Variants in PWWP2A observed in about 807,000 individuals in gnomAD.
PWWP2A encodes PWWP domain-containing protein 2A.
Under a neutral mutation model 48.5 loss-of-function variants are expected in PWWP2A, and 18 were observed. That is an observed-to-expected ratio of 0.37 (90% CI 0.26 to 0.55). The LOEUF (loss-of-function observed/expected upper bound fraction) is 0.55. Among genes scored for constraint, PWWP2A ranks in the 20% least tolerant of loss-of-function variants. The pLI is 0.81. For missense variants in PWWP2A, 867 were observed against 976.4 expected, an observed-to-expected ratio of 0.89 and a Z score of 1.49; for synonymous variants, 396 against 387.7, an observed-to-expected ratio of 1.02 and a Z score of -0.25.
intron 4 of PWWP2A, chr5:160,065,452 C>T (rs569362453): frequency 4.1e-5 from 19 of 460,252 alleles, no homozygotes; most frequent in Admixed American, 2.6e-4. Context: ...GACGGGTTCC[C>T]GCCTGCTGTC....
chr5:160,090,745 A>C (rs1754995425), downstream of PWWP2A: 5 of 960,648 alleles, frequency 5.2e-6, no homozygotes, highest in Non-Finnish European at 6.2e-6. Flanking sequence ...ATCCACAAAA[A>C]ACTGCTAAAT....
chr5:160,053,459 G>A, the PWWP2A span, among the ~76,000 whole-genome samples: 1 of 152,100 alleles, frequency 6.6e-6, no homozygotes, highest in African/African-American at 2.4e-5. Flanking sequence ...AGCTACTTAG[G>A]AGGCTGCTGT....
At position 160,119,343 on chromosome 5, in the gene PWWP2A, C is replaced by CG; in HGVS notation, c.45dup (p.Gly16ArgfsTer19). 1 of 1,390,082 alleles carries CG rather than the reference C, an allele frequency of 7.2e-7. No individual in the cohort carries two copies. 86.1% of individuals were successfully genotyped at this position (1,390,082 alleles called of 1,614,324 possible). On this transcript the variant is annotated frameshift_variant, in exon 1 of 2. Transcript: ENST00000307063. LOFTEE classifies it high-confidence loss of function. ...TCGGCCTCGCCGGCGCCCCCCTCCC[C>CG]GGGGGACGCTGCAGTCGCTGCCGCC...
At chr5:160,060,811 G>C (rs939328792), downstream of PWWP2A, among the ~76,000 whole-genome samples, 6 of 152,200 alleles carry the variant, frequency 3.9e-5, no homozygotes, top group African/African-American at 1.4e-4. Flanking sequence ...CCAAAAACTT[G>C]TTGATTCTAC....
chr5:160,056,966 A>G (rs1757562343), downstream of PWWP2A, among the ~76,000 whole-genome samples: 1 of 152,062 alleles, frequency 6.6e-6, no homozygotes, highest in Admixed American at 6.6e-5. Flanking sequence ...ATGTAGGTAC[A>G]GAAACCCAGT....
chr5:160,103,492 A>C (rs567453313), intron 1 of PWWP2A, among the ~76,000 whole-genome samples: 1 of 152,286 alleles, frequency 6.6e-6, no homozygotes, highest in African/African-American at 2.4e-5. Flanking sequence ...ACACAGCTTC[A>C]GTAGGTGAGA....
At chr5:160,070,852 TC>T (rs1753723787) in intron 2 of PWWP2A, among the ~76,000 whole-genome samples, 1 of 152,184 alleles carries the variant, frequency 6.6e-6, no homozygotes, top group African/African-American at 2.4e-5. Flanking sequence ...GAGTTGCAGT[TC>T]CTACGACGTT....
At chr5:160,090,912 A>T (rs1755005892), downstream of PWWP2A, 1 of 984,728 alleles carries the variant, frequency 1.0e-6, no homozygotes, top group Non-Finnish European at 1.2e-6. Context: ...AAGAAATCAA[A>T]TCTTAGGGAC....
At chr5:160,048,126 C>CCTTTTTT in the PWWP2A span, among the ~76,000 whole-genome samples, 1 of 35,538 alleles carries the variant, frequency 2.8e-5, no homozygotes, top group African/African-American at 1.2e-4. Flanking sequence ...CAAGACATTG[C>CCTTTTTT]TTTTTTTTTT....
At chr5:160,098,241 CAT>C (rs1275040720) in intron 1 of PWWP2A, among the ~76,000 whole-genome samples, 1 of 152,000 alleles carries the variant, frequency 6.6e-6, no homozygotes, top group Non-Finnish European at 1.5e-5. Flanking sequence ...CTTTTAGTAA[CAT>C]AGGGAAGAAG....
intron 4 of PWWP2A, among the ~76,000 whole-genome samples, chr5:160,066,295 C>CTCTTT (rs748083955): frequency 6.9e-5 from 4 of 57,954 alleles, no homozygotes; most frequent in African/African-American, 2.2e-4. Flanking sequence ...AAGTGGTTCT[C>CTCTTT]ATTTTTTTTT....
rs997649160 is a variant in PWWP2A at position 160,093,463 on chromosome 5, C to A, written c.1187G>T (p.Gly396Val). 1.2e-6 allele frequency: 2 copies of A among 1,613,796 alleles called. No homozygotes were observed. Among genetic ancestry groups the A allele is most frequent in the Admixed American group, 3.3e-5 (2 of 59,954 alleles). ...CTGAGCAGAAACTTTTACTACTCTG[C>A]CTCTGCTGTGAGCAATATTTGAAAC... ...VKVSNIAHSRGRVVKVSAQAN... is the reference protein window; with the variant it reads ...VKVSNIAHSRVRVVKVSAQAN... The change falls in exon 2 of 2, where the codon GGC (glycine) becomes GTC (valine). Residue 396 changes from glycine to valine, a missense_variant. Physicochemically the swap from Gly to Val is moderately radical, Grantham distance 109. Transcript: ENST00000307063. This position sits in a 1 kb window ranked among gnomAD's most constrained non-coding sequence, Gnocchi z 5.8.
In PWWP2A at chr5:160,077,025, G is replaced by A. The variant is rs1470339245; in HGVS notation, c.*1130C>T. On this transcript the variant is annotated 3_prime_UTR_variant, in exon 4 of 4. Coordinates refer to the PWWP2A transcript ENST00000456329. The surrounding 1 kb of genome is among the most constrained non-coding windows in gnomAD (Gnocchi z 4.2). ...TAACAGGTCCATCTGGTTTTCTCATGTTTTCTCCATTCATTAAAAAAGAAA... is the reference window on the plus strand; with the variant it reads ...TAACAGGTCCATCTGGTTTTCTCATATTTTCTCCATTCATTAAAAAAGAAA... 6.6e-6 allele frequency: 1 copy of A among 151,558 alleles called. No homozygotes were observed. The highest frequency in any genetic ancestry group is 1.5e-5 in the Non-Finnish European group (1 of 67,980). 9.4% of individuals were successfully genotyped at this position (151,558 alleles called of 1,614,324 possible). A position where few individuals can be genotyped will look rare whatever the true frequency, so the allele number is the denominator to read the frequency against.
intron 2 of PWWP2A, among the ~76,000 whole-genome samples, chr5:160,082,919 T>C (rs898432527): frequency 1.1e-4 from 17 of 152,170 alleles, no homozygotes; most frequent in African/African-American, 3.4e-4. Flanking sequence ...AGAACTGTAA[T>C]GGGCAAACCA....
At chr5:160,109,773 AAATATATATAT>A (rs1275739273) in intron 1 of PWWP2A, among the ~76,000 whole-genome samples, 773 of 30,102 alleles carry the variant, frequency 0.026, 13 homozygotes, top group Middle Eastern at 0.069. Flanking sequence ...AAAAAAAAAA[AAATATATATAT>A]ATATATATAT....
Position 160,093,152 on chromosome 5 carries a change from C to T in PWWP2A, c.1498G>A (p.Gly500Ser), listed in dbSNP as rs1755255631. The T allele has an allele frequency of 6.2e-6, 10 of 1,613,912 alleles. No individual in the cohort carries two copies. Among genetic ancestry groups the T allele is most frequent in the African/African-American group, 1.3e-5 (1 of 75,010 alleles). The change falls in exon 2 of 2, where the codon GGC becomes AGC. Residue 500 changes from glycine (G) to serine (S), a missense_variant. This residue lies in a region of PWWP2A where 382 missense variants were observed against 407.2 expected (regional missense o/e 0.94). Transcript: ENST00000307063. This position sits in a 1 kb window ranked among gnomAD's most constrained non-coding sequence, Gnocchi z 5.8. ...LKTGLEKMRS[G>S]KMAPKPQSRC... is the part of the protein sequence containing the mutation. ...GACTGGGGCTTGGGTGCCATCTTGC[C>T]ACTCCGCATTTTCTCAAGTCCTGTC...
rs1346506052 is a variant in PWWP2A at position 160,119,101 on chromosome 5, G to A, written c.288C>T (p.Ser96=). The change falls in exon 1 of 2, where the codon TCC becomes TCT. Residue 96 remains serine, a synonymous_variant. Coordinates refer to ENST00000307063, the MANE Select transcript of PWWP2A (RefSeq NM_001130864.2). ...CTGCCGCCGACTCCGCCACCCGAAC[G>A]GACAGTTTCTCCTCAGCCTCCAGCT... ...GPELEAEEKL[S]VRVAESAAAA... The A allele has an allele frequency of 1.0e-5, 16 of 1,588,522 alleles. No homozygotes were observed. In the South Asian group the frequency reaches 1.1e-4, roughly 11 times the overall value.
At chr5:160,113,582 T>C (rs1288132945) in intron 1 of PWWP2A, among the ~76,000 whole-genome samples, 1 of 152,220 alleles carries the variant, frequency 6.6e-6, no homozygotes, top group Non-Finnish European at 1.5e-5. Flanking sequence ...ACATTACACA[T>C]TTAGTCTCCC....
chr5:160,109,063 G>A (rs927343337), intron 1 of PWWP2A, among the ~76,000 whole-genome samples: 7 of 151,970 alleles, frequency 4.6e-5, no homozygotes, highest in African/African-American at 1.2e-4. Context: ...AGCTCACTGC[G>A]ACCTCTGCCT....
Sources: allele counts gnomAD v4.1 joint callset (sites outside exome capture counted in the v4.1 genomes callset), GRCh38; gene constraint gnomAD v4.1.1; regional missense constraint gnomAD v4.1.1; non-coding constraint Gnocchi (gnomAD v3.1); transcripts MANE v1.5; gene names NCBI Gene and HGNC (gene_info 2026-07-23, HGNC 2026-07-21).